The following USP6 variants were observed in gnomAD, a reference collection of about 807,000 sequenced individuals.
USP6 encodes the protein ubiquitin carboxyl-terminal hydrolase 6.
Under a neutral mutation model 175.7 loss-of-function variants are expected in USP6, and 128 were observed. The observed-to-expected ratio is 0.73, with a 90% CI of 0.63 to 0.84. USP6 has a LOEUF of 0.84. Among genes scored for constraint, USP6 ranks in the 40% least tolerant of loss-of-function variants. The probability of loss-of-function intolerance (pLI) is 0.00; values close to 1 mark genes in which losing one functional copy is unlikely to be tolerated. For synonymous variants in USP6, 562 were observed against 630.6 expected (o/e 0.89, Z 1.63); for missense variants, 1,498 against 1,760.3 (o/e 0.85, Z 2.67).
chr17:5,159,989 A>G lies in USP6; in HGVS notation c.2829-1539A>G, dbSNP rs557351122. Among the ~76,000 whole-genome samples the G allele has an allele frequency of 2.2e-3, 337 of 151,768 alleles. 1 individual carries two copies. Among genetic ancestry groups the G allele is most frequent in the African/African-American group, 7.8e-3 (324 of 41,352 alleles). On this transcript the variant is annotated intron_variant, in intron 31 of 37. Transcript: ENST00000574788. ...AAAAAAAAAAAAAAAAAATGGAAAA[A>G]GTCTGCAGGGGGAGCAGGATTCTCA...
At chr17:5,158,645 GAGAGA>G (rs2073942195) in intron 31 of USP6, among the ~76,000 whole-genome samples, 2 of 146,878 alleles carry the variant, frequency 1.4e-5, no homozygotes, top group Admixed American at 1.4e-4. Flanking sequence ...GAGAGAGAGA[GAGAGA>G]GAGAGAGAGA....
chr17:5,164,710 T>TA (rs1265319383), intron 33 of USP6, among the ~76,000 whole-genome samples: 11 of 152,238 alleles, frequency 7.2e-5, no homozygotes, highest in African/African-American at 2.7e-4. Context: ...AGTGGGGCCA[T>TA]ATGCCTAATC....
chr17:5,172,988 T>C lies in USP6; in HGVS notation c.*10T>C. ...CTCTATGTTACAGTAAAGCTACCACTCTGGCTGCTAGACAGCTTGGTGGCG... is the reference window on the plus strand; with the variant it reads ...CTCTATGTTACAGTAAAGCTACCACCCTGGCTGCTAGACAGCTTGGTGGCG... On this transcript the variant is annotated 3_prime_UTR_variant, in exon 38 of 38. Transcript: ENST00000574788. The C allele has an allele frequency of 6.2e-7, 1 of 1,613,072 alleles. No individual in the cohort carries two copies. Among genetic ancestry groups the C allele is most frequent in the Non-Finnish European group, 8.5e-7 (1 of 1,179,128 alleles).
intron 27 of USP6, among the ~76,000 whole-genome samples, 177 bp downstream of exon 27, chr17:5,145,756 G>T (rs2073589594): frequency 6.6e-6 from 1 of 152,042 alleles, no homozygotes; most frequent in South Asian, 2.1e-4. Flanking sequence ...ATTGGGGCAT[G>T]TTTTTTTGGT....
intron 26 of USP6, 82 bp from the exon 27 acceptor site, chr17:5,145,323 A>G: frequency 2.1e-6 from 3 of 1,450,782 alleles, no homozygotes. Flanking sequence ...AATCCAATAT[A>G]TTTAACCAGT....
rs1284533891 is a variant in USP6, at chr17:5,145,566, C to T, written c.2154C>T (p.Asp718=). ...SLPLPMDSYM[D]LEITVIKLDG... is the part of the protein sequence containing the mutation. ...CACTACCAATGGACAGTTACATGGA[C>T]TTAGAAATAACAGGTAGGTCACAAA... is the stretch of plus-strand genomic sequence containing the variant. Residue 718 remains aspartate, a synonymous_variant, in exon 27 of 38, where the codon GAC becomes GAT. Transcript: ENST00000574788. The T allele has an allele frequency of 2.5e-6, 4 of 1,591,130 alleles. No homozygotes were observed. Among genetic ancestry groups the T allele is most frequent in the Admixed American group, 3.6e-5 (2 of 55,386 alleles).
At chr17:5,129,766 C>T (rs1429058412) in intron 8 of USP6, 170 bp from the exon 9 acceptor site, 1 of 159,084 alleles carries the variant, frequency 6.3e-6, no homozygotes, top group Non-Finnish European at 1.4e-5. Context: ...TCCATGAGCA[C>T]AGTGGCTGCT....
At position 5,138,158 on chromosome 17, in the gene USP6, A is replaced by T; in HGVS notation, c.963A>T (p.Ala321=). 6.2e-7 allele frequency: 1 copy of T among 1,614,080 alleles called. No homozygotes were observed. The highest frequency in any genetic ancestry group is 1.1e-5 in the South Asian group (1 of 91,086). Residue 321 remains alanine, a synonymous_variant, in exon 21 of 38, where the codon GCA becomes GCT. Coordinates refer to ENST00000574788, the MANE Select transcript of USP6 (RefSeq NM_001304284.2). ...LMKTSRCGLW[A]RLRNQFFDTW... is the part of the protein sequence containing the mutation. The stretch of plus-strand genomic sequence containing the variant: ...AGACATCCAGGTGTGGCCTGTGGGC[A>T]CGTCTGCGGAACCAATTCTTCGATA...
At chr17:5,117,239 T>C (rs1224263533) in intron 1 of USP6, among the ~76,000 whole-genome samples, 1 of 152,164 alleles carries the variant, frequency 6.6e-6, no homozygotes, top group Non-Finnish European at 1.5e-5. Flanking sequence ...TCGATAAGCC[T>C]GGGCGAGGGG....
At chr17:5,138,340 CG>C (rs1042468103) in intron 21 of USP6, 67 bp downstream of exon 21, 1 of 1,604,796 alleles carries the variant, frequency 6.2e-7, no homozygotes, top group African/African-American at 1.3e-5. Context: ...GCGGGTGCCC[CG>C]GACCAGCAAC....
rs2072546337 is a variant in USP6, at chr17:5,116,673, CTG to C, written c.-1993_-1992del. On this transcript the variant is annotated 5_prime_UTR_variant, in exon 1 of 38. Transcript: ENST00000574788. ...CAGGAAGGAACTGGGAGACCCAAGA[CTG>C]TACCGCCAAGACCGCTTTCGAGTCG... The C allele has an allele frequency of 6.6e-6, 1 of 152,270 alleles. No homozygotes were observed. Among genetic ancestry groups the C allele is most frequent in the Non-Finnish European group, 1.5e-5 (1 of 68,052 alleles). 9.4% of individuals were successfully genotyped at this position (152,270 alleles called of 1,614,324 possible).
chr17:5,126,393 T>C (rs1316279671), intron 6 of USP6, among the ~76,000 whole-genome samples: 1 of 152,012 alleles, frequency 6.6e-6, no homozygotes, highest in African/African-American at 2.4e-5. Context: ...AAAAATGTAG[T>C]GAGGAAGGGC....
At chr17:5,151,267 A>G (rs1456679178) in intron 30 of USP6, among the ~76,000 whole-genome samples, 2 of 152,248 alleles carry the variant, frequency 1.3e-5, no homozygotes, top group Non-Finnish European at 2.9e-5. Context: ...CACATAAGAC[A>G]TCTATATAGA....
chr17:5,133,101 G>A (rs1429300448), intron 13 of USP6, 111 bp downstream of exon 13: 46 of 1,298,990 alleles, frequency 3.5e-5, no homozygotes, highest in Admixed American at 7.5e-5. Context: ...GTGGCACACT[G>A]TCCTCGCCCA....
Position 5,143,857 on chromosome 17 carries a change from T to C in USP6, c.1819-833T>C, listed in dbSNP as rs183683433. Among the ~76,000 whole-genome samples the C allele has an allele frequency of 1.1e-4, 16 of 152,004 alleles. No homozygotes were observed. In the East Asian group the frequency reaches 2.9e-3, roughly 28 times the overall value. On this transcript the variant is annotated intron_variant, in intron 25 of 37. Transcript: ENST00000574788. ...ACGAGAAATGCTTGAACCCGGGATG[T>C]GGTGTTTGCAATGAGCCAAGATCGC...
intron 2 of USP6, among the ~76,000 whole-genome samples, chr17:5,120,050 G>C (rs1261823011): frequency 6.6e-6 from 1 of 152,114 alleles, no homozygotes; most frequent in South Asian, 2.1e-4. Context: ...GAGGCCTTAC[G>C]TGCCCTCTCC....
At position 5,139,405 on chromosome 17, in the gene USP6, G is replaced by A. The variant is rs1197561613; in HGVS notation, c.1229G>A (p.Arg410His). 3.7e-6 allele frequency: 6 copies of A among 1,613,204 alleles called. No individual in the cohort carries two copies. Among genetic ancestry groups the A allele is most frequent in the Admixed American group, 1.7e-5 (1 of 60,010 alleles). ...ICSASPPWAS[R>H]FSTPCPGGAV... ...TCAGCTTCCCCGCCATGGGCATCTC[G>A]TTTTTCCACGCCCTGTCCTGGTGGG... Residue 410 changes from arginine (R) to histidine (H), a missense_variant, in exon 22 of 38, where the codon CGT becomes CAT. Around this residue, in one of 2 missense-constraint regions of USP6, gnomAD observed 1,217 missense variants for 1,500.8 expected, o/e 0.81. Transcript: ENST00000574788.
rs145373450 is a variant in USP6, at chr17:5,118,892, G to A, written c.-1837+602G>A. Among the ~76,000 whole-genome samples the A allele has an allele frequency of 2.1e-4, 32 of 152,342 alleles. No individual in the cohort carries two copies. In the East Asian group the frequency reaches 5.8e-3, roughly 28 times the overall value. On this transcript the variant is annotated intron_variant, in intron 2 of 37. Coordinates refer to ENST00000574788, the MANE Select transcript of USP6 (RefSeq NM_001304284.2). ...ATAGGCACAGGATGAGGGTGGGGCA[G>A]CCATAGGTATTTTTGGAAAAGGCAA...
rs752065445 is a variant in USP6, at chr17:5,155,402, A to G, written c.2644-20A>G. 2.5e-6 allele frequency: 4 copies of G among 1,610,604 alleles called. No individual in the cohort carries two copies. The highest frequency in any genetic ancestry group is 2.7e-5 in the African/African-American group (2 of 74,932). The stretch of plus-strand genomic sequence containing the variant: ...CAGAGGCCTGTCTTCTCAACTCTCT[A>G]TTCTCGTTTGTACATACAGATGAGG... On this transcript the variant is annotated intron_variant, in intron 30 of 37. Transcript: ENST00000574788.
Sources: gnomAD v4.1 joint callset for allele counts (sites outside exome capture counted in the v4.1 genomes callset) on GRCh38, gnomAD v4.1.1 for gene constraint, gnomAD v4.1.1 regional missense constraint, MANE v1.5 for transcripts, NCBI Gene and HGNC (gene_info 2026-07-23, HGNC 2026-07-21) for gene names.